Variants in DGLUCY observed in about 807,000 individuals in gnomAD.
The protein encoded by DGLUCY is D-glutamate cyclase.
DGLUCY carries 58 observed loss-of-function variants against 58.5 expected under a neutral mutation model. That is an observed-to-expected ratio of 0.99 (90% CI 0.80 to 1.23). DGLUCY has a LOEUF of 1.23. Ranked by LOEUF, DGLUCY falls within the 50% of genes most tolerant of loss-of-function variation. The pLI, the probability that DGLUCY is intolerant of heterozygous loss-of-function variation, is 0.00. For synonymous variants in DGLUCY, 325 were observed against 314.1 expected (o/e 1.03, Z -0.37); for missense variants, 779 against 784.7 (o/e 0.99, Z 0.09).
chr14:91,156,693 C>G (rs2047638602), intron 1 of DGLUCY, among the ~76,000 whole-genome samples: 1 of 152,128 alleles, frequency 6.6e-6, no homozygotes, highest in Non-Finnish European at 1.5e-5. Context: ...AGTTTGTTCT[C>G]TAAAGAGAAA....
chr14:91,129,005 G>C (rs2140186056), intron 1 of DGLUCY: 1 of 152,206 alleles, frequency 6.6e-6, no homozygotes, highest in South Asian at 2.1e-4. Flanking sequence ...AAATGTTAAG[G>C]GGCTGGGCTC....
rs745934410 is a variant in DGLUCY, at chr14:91,062,546, TAAAAA to T, written c.-82+1851_-82+1855del. On this transcript the variant is annotated intron_variant, in intron 1 of 4. Coordinates refer to the DGLUCY transcript ENST00000521334. ...CTGGGCAACAGAGCGAGACTCTGTC[TAAAAA>T]AAAAAAAATATATATATATATATAT... 6.1e-4 allele frequency among the ~76,000 whole-genome samples: 11 copies of T among 18,154 alleles called. 1 individual carries two copies. The highest frequency in any genetic ancestry group is 1.4e-3 in the African/African-American group (7 of 5,024). 11.9% of individuals were successfully genotyped at this position (18,154 alleles called of 152,430 possible).
At chr14:91,170,760 C>T (rs1318358719) in intron 5 of DGLUCY, among the ~76,000 whole-genome samples, 1 of 152,170 alleles carries the variant, frequency 6.6e-6, no homozygotes, top group East Asian at 1.9e-4. Context: ...CACTCGATTC[C>T]CTGGTTCCAC....
intron 9 of DGLUCY, among the ~76,000 whole-genome samples, chr14:91,192,489 G>C (rs374493619): frequency 6.6e-6 from 1 of 152,106 alleles, no homozygotes; most frequent in African/African-American, 2.4e-5. Flanking sequence ...GCTAAAACAG[G>C]CCGGGCACAG....
At chr14:91,181,118 G>A in intron 7 of DGLUCY, 68 bp from the exon 8 acceptor site, 1 of 1,465,058 alleles carries the variant, frequency 6.8e-7, no homozygotes, top group Non-Finnish European at 9.5e-7. Context: ...TATCAACAGT[G>A]GGCTAGATGA....
chr14:91,120,983 C>G (rs1033559480), intron 1 of DGLUCY, among the ~76,000 whole-genome samples: 1 of 152,170 alleles, frequency 6.6e-6, no homozygotes, highest in African/African-American at 2.4e-5. Context: ...GAAGCTCATA[C>G]TCCTTCAGGT....
chr14:91,168,207 G>A (rs1290366252), intron 4 of DGLUCY, among the ~76,000 whole-genome samples: 5 of 152,018 alleles, frequency 3.3e-5, no homozygotes, highest in Non-Finnish European at 7.4e-5. Flanking sequence ...TTGAGGCTGC[G>A]GTGAGCCGAG....
At chr14:91,177,646 G>A (rs573328402) in intron 7 of DGLUCY, among the ~76,000 whole-genome samples, 3 of 152,304 alleles carry the variant, frequency 2.0e-5, no homozygotes, top group Non-Finnish European at 2.9e-5. Flanking sequence ...TTCTGGCCAG[G>A]CCAGCCACAC....
At chr14:91,190,859 G>A (rs574198551) in intron 9 of DGLUCY, among the ~76,000 whole-genome samples, 1 of 152,162 alleles carries the variant, frequency 6.6e-6, no homozygotes, top group Non-Finnish European at 1.5e-5. Context: ...GTTCTGTGTG[G>A]GTTGTAAGCA....
intron 1 of DGLUCY, among the ~76,000 whole-genome samples, chr14:91,121,995 G>A (rs1414150089): frequency 6.6e-6 from 1 of 152,134 alleles, no homozygotes; most frequent in Non-Finnish European, 1.5e-5. Flanking sequence ...ACTGGGAGAT[G>A]ATCACAGAAG....
At chr14:91,197,702 A>G (rs1390304011) in intron 10 of DGLUCY, among the ~76,000 whole-genome samples, 1 of 152,246 alleles carries the variant, frequency 6.6e-6, no homozygotes, top group Non-Finnish European at 1.5e-5. Context: ...ATGTTCATTC[A>G]TGTCACAGCA....
At chr14:91,122,824 G>A (rs1266939689) in intron 1 of DGLUCY, among the ~76,000 whole-genome samples, 1 of 151,864 alleles carries the variant, frequency 6.6e-6, no homozygotes, top group Non-Finnish European at 1.5e-5. Context: ...GGCCAGGCTG[G>A]TCTCAAACTC....
intron 7 of DGLUCY, among the ~76,000 whole-genome samples, chr14:91,177,119 T>C (rs2048904116): frequency 6.6e-6 from 1 of 152,056 alleles, no homozygotes; most frequent in Non-Finnish European, 1.5e-5. Flanking sequence ...CCATCTCAGC[T>C]TCCCAGGTAG....
intron 1 of DGLUCY, among the ~76,000 whole-genome samples, chr14:91,132,834 C>A (rs2046104618): frequency 6.6e-6 from 1 of 152,116 alleles, no homozygotes; most frequent in African/African-American, 2.4e-5. Flanking sequence ...CTTCCCCCAG[C>A]CCCTGGCAAC....
chr14:91,062,682 C>CA (rs1438020037), intron 1 of DGLUCY, among the ~76,000 whole-genome samples: 45 of 144,422 alleles, frequency 3.1e-4, no homozygotes, highest in African/African-American at 1.2e-3. Flanking sequence ...CCATAGTTTG[C>CA]AGACTCCTGG....
chr14:91,210,873 A>G (rs1885571769), intron 12 of DGLUCY, among the ~76,000 whole-genome samples: 1 of 152,242 alleles, frequency 6.6e-6, no homozygotes, highest in Non-Finnish European at 1.5e-5. Flanking sequence ...ATGCCGTAAG[A>G]CAAGAAAAAG....
intron 9 of DGLUCY, among the ~76,000 whole-genome samples, chr14:91,190,176 A>G (rs1353895860): frequency 6.6e-6 from 1 of 150,892 alleles, no homozygotes; most frequent in African/African-American, 2.4e-5. Flanking sequence ...TTTAGTAGAG[A>G]CGGGGTTTCA....
chr14:91,162,829 G>A (rs563019190), intron 3 of DGLUCY, among the ~76,000 whole-genome samples: 14 of 151,962 alleles, frequency 9.2e-5, no homozygotes, highest in South Asian at 4.2e-4. Context: ...CCCAGAAGGC[G>A]GAGGTTGCAG....
chr14:91,188,869 A>T (rs780184657), intron 8 of DGLUCY, 41 bp from the exon 9 acceptor site: 6 of 1,557,830 alleles, frequency 3.9e-6, no homozygotes, highest in East Asian at 2.4e-5. Flanking sequence ...AAATAATTTT[A>T]AAAATATAGT....
Sources: gnomAD v4.1 joint callset for allele counts (sites outside exome capture counted in the v4.1 genomes callset) on GRCh38, gnomAD v4.1.1 for gene constraint, MANE v1.5 for transcripts, NCBI Gene and HGNC (gene_info 2026-07-23, HGNC 2026-07-21) for gene names.